Variants in TNKS observed in about 807,000 individuals in gnomAD.
TNKS encodes the protein poly [ADP-ribose] polymerase tankyrase-1.
TNKS carries 72 observed loss-of-function variants against 135.8 expected under a neutral mutation model. That is an observed-to-expected ratio of 0.53 (90% CI 0.44 to 0.64). The LOEUF (loss-of-function observed/expected upper bound fraction) is 0.64. Ranked by LOEUF, TNKS falls within the 30% of genes least tolerant of loss-of-function variation. The pLI, the probability that TNKS is intolerant of heterozygous loss-of-function variation, is 0.00. For missense variants in TNKS, 1,769 were observed against 1,674.0 expected, an observed-to-expected ratio of 1.06 and a Z score of -0.99; for synonymous variants, 849 against 649.3, an observed-to-expected ratio of 1.31 and a Z score of -4.68.
intron 3 of TNKS, among the ~76,000 whole-genome samples, chr8:9,639,963 C>G (rs756704476): frequency 6.6e-6 from 1 of 152,126 alleles, no homozygotes; most frequent in Non-Finnish European, 1.5e-5. Context: ...ACTTACTCAA[C>G]GAAGGATAAT....
chr8:9,581,938 A>G (rs1274553658), intron 2 of TNKS, among the ~76,000 whole-genome samples: 1 of 152,208 alleles, frequency 6.6e-6, no homozygotes, highest in Non-Finnish European at 1.5e-5. Context: ...GGATCCCTGC[A>G]GCACTCTACT....
At chr8:9,755,493 A>G (rs895786918) in intron 20 of TNKS, among the ~76,000 whole-genome samples, 1 of 152,222 alleles carries the variant, frequency 6.6e-6, no homozygotes, top group African/African-American at 2.4e-5. Context: ...TGGCCCAATC[A>G]TCAAGCAATC....
chr8:9,726,131 C>G (rs1805148470), intron 12 of TNKS, among the ~76,000 whole-genome samples: 1 of 152,172 alleles, frequency 6.6e-6, no homozygotes, highest in Non-Finnish European at 1.5e-5. Context: ...TGGCTCACAT[C>G]TGTAATCCCA....
intron 1 of TNKS, among the ~76,000 whole-genome samples, chr8:9,577,506 G>A (rs1373477629): frequency 1.3e-5 from 2 of 152,120 alleles, no homozygotes; most frequent in East Asian, 1.9e-4. Flanking sequence ...GAGGTGAAGG[G>A]GAAGCAGGCA....
chr8:9,764,809 A>G lies in TNKS; in HGVS notation c.3447+19A>G. 2 of 1,570,916 alleles carry G rather than the reference A, an allele frequency of 1.3e-6. No homozygotes were observed. Among genetic ancestry groups the G allele is most frequent in the South Asian group, 1.2e-5 (1 of 82,204 alleles). ...CATTCGAGTAAGTTTTTAAAGTTTCATGGTGAAAACTGGATTGCAAGGCTT... is the reference window on the plus strand; with the variant it reads ...CATTCGAGTAAGTTTTTAAAGTTTCGTGGTGAAAACTGGATTGCAAGGCTT... On this transcript the variant is annotated intron_variant, in intron 23 of 26. Coordinates refer to ENST00000310430, the MANE Select transcript of TNKS (RefSeq NM_003747.3).
chr8:9,655,971 T>C (rs563571358), intron 3 of TNKS, among the ~76,000 whole-genome samples: 35 of 152,146 alleles, frequency 2.3e-4, no homozygotes, highest in African/African-American at 8.2e-4. Flanking sequence ...TTTGAACCGA[T>C]GGCAAAGAAG....
rs568814045 is a variant in TNKS, at chr8:9,556,871, C to T, written c.673+259C>T. On this transcript the variant is annotated intron_variant, in intron 1 of 26. Transcript: ENST00000310430. Reference sequence around the variant, plus strand: ...CAAAACTCACTGTAGTTGGTAGTCTCTGCATATGGATATATTTACACTTTA... The same window carrying T: ...CAAAACTCACTGTAGTTGGTAGTCTTTGCATATGGATATATTTACACTTTA... 78 of 571,412 alleles carry T rather than the reference C, an allele frequency of 1.4e-4. 1 individual carries two copies. The highest frequency in any genetic ancestry group is 6.9e-4 in the South Asian group (29 of 41,790). The allele number at this position is 571,412 out of a possible 1,614,324, so 35.4% of individuals were successfully genotyped here.
At chr8:9,628,872 A>T (rs981124056) in intron 3 of TNKS, among the ~76,000 whole-genome samples, 2 of 152,098 alleles carry the variant, frequency 1.3e-5, no homozygotes, top group African/African-American at 2.4e-5. Context: ...CATGCCCACC[A>T]AACTTGAACC....
chr8:9,724,710 A>G (rs926890546), intron 12 of TNKS, among the ~76,000 whole-genome samples: 2 of 152,210 alleles, frequency 1.3e-5, no homozygotes, highest in Non-Finnish European at 2.9e-5. Flanking sequence ...CAATCTGGAT[A>G]GTAATTAACC....
At chr8:9,607,277 C>G (rs963186160) in intron 2 of TNKS, among the ~76,000 whole-genome samples, 1 of 152,134 alleles carries the variant, frequency 6.6e-6, no homozygotes, top group Non-Finnish European at 1.5e-5. Context: ...TCATATTTGA[C>G]TTAATTGAAG....
rs1807148449 is a variant in TNKS at position 9,761,548 on chromosome 8, T to C, written c.3186T>C (p.His1062=). ...ITLDVLADMG[H]EELKEIGINA... is the part of the protein sequence containing the mutation. ...TAGATGTGTTGGCTGATATGGGTCA[T>C]GAAGAGTTGAAAGAAATAGGCATCA... The change falls in exon 21 of 27, where the codon CAT becomes CAC. Residue 1062 remains histidine, a synonymous_variant. Transcript: ENST00000310430. 1.9e-6 allele frequency: 3 copies of C among 1,611,914 alleles called. No homozygotes were observed. Among genetic ancestry groups the C allele is most frequent in the Non-Finnish European group, 2.5e-6 (3 of 1,179,636 alleles).
rs375137670 is a variant in TNKS, at chr8:9,580,134, A to G, written c.674-25A>G. 2.5e-4 allele frequency: 393 copies of G among 1,595,852 alleles called. 1 individual carries two copies. Among genetic ancestry groups the G allele is most frequent in the Non-Finnish European group, 3.1e-4 (357 of 1,163,744 alleles). The stretch of plus-strand genomic sequence containing the variant: ...TTTTTACAAAATCAAATATATATAC[A>G]AGACATTTTTTCGTTTCTTTTTAGG... On this transcript the variant is annotated intron_variant, in intron 1 of 26. Transcript: ENST00000310430.
At chr8:9,630,765 G>A (rs1800259967) in intron 3 of TNKS, among the ~76,000 whole-genome samples, 1 of 152,066 alleles carries the variant, frequency 6.6e-6, no homozygotes, top group African/African-American at 2.4e-5. Flanking sequence ...CTGTAGTCTA[G>A]GCAGAATCAT....
intron 3 of TNKS, among the ~76,000 whole-genome samples, chr8:9,626,050 A>G (rs1376784181): frequency 2.0e-5 from 3 of 152,182 alleles, no homozygotes; most frequent in South Asian, 2.1e-4. Context: ...TTTAACTTCT[A>G]TCAGTTTTTG....
intron 1 of TNKS, chr8:9,574,937 C>A: frequency 3.2e-6 from 2 of 620,896 alleles, no homozygotes; most frequent in Non-Finnish European, 4.0e-6. Flanking sequence ...AGAAATATAG[C>A]ACTCTTGTGA....
intron 13 of TNKS, among the ~76,000 whole-genome samples, chr8:9,730,410 C>T (rs1016185144): frequency 6.6e-6 from 1 of 152,118 alleles, no homozygotes; most frequent in Non-Finnish European, 1.5e-5. Flanking sequence ...TCAAAAGACC[C>T]AGGGAGTGGC....
intron 3 of TNKS, among the ~76,000 whole-genome samples, chr8:9,641,176 A>T (rs560918840): frequency 6.8e-5 from 10 of 146,064 alleles, no homozygotes; most frequent in Non-Finnish European, 1.3e-4. Context: ...GCTGGAGAAC[A>T]TTAACAGTTT....
At chr8:9,700,769 C>T (rs908383026) in intron 5 of TNKS, among the ~76,000 whole-genome samples, 4 of 152,132 alleles carry the variant, frequency 2.6e-5, no homozygotes. Flanking sequence ...CACCGACTTC[C>T]TGTCACTTTC....
At chr8:9,747,176 C>T (rs565717774) in intron 17 of TNKS, among the ~76,000 whole-genome samples, 3 of 152,270 alleles carry the variant, frequency 2.0e-5, no homozygotes, top group South Asian at 2.1e-4. Context: ...AGCCACCGCA[C>T]CCAGCCCCTA....
Sources: allele counts gnomAD v4.1 joint callset (sites outside exome capture counted in the v4.1 genomes callset), GRCh38; gene constraint gnomAD v4.1.1; transcripts MANE v1.5; gene names NCBI Gene and HGNC (gene_info 2026-07-23, HGNC 2026-07-21).